The following CFAP44 variants were observed in gnomAD, a reference collection of about 807,000 sequenced individuals.
CFAP44 encodes cilia- and flagella-associated protein 44.
In CFAP44, 134 loss-of-function variants were observed where a neutral mutation model predicts 216.2. That is an observed-to-expected ratio of 0.62 (90% CI 0.54 to 0.72). The LOEUF (loss-of-function observed/expected upper bound fraction) is 0.72. CFAP44 is among the 30% of genes least tolerant of loss of function. The probability of loss-of-function intolerance (pLI) is 0.00; values close to 1 mark genes in which losing one functional copy is unlikely to be tolerated. For missense variants in CFAP44, 2,035 were observed against 2,182.1 expected (o/e 0.93, Z 1.34); for synonymous variants, 700 against 727.6 (o/e 0.96, Z 0.61).
intron 6 of CFAP44, among the ~76,000 whole-genome samples, chr3:113,413,643 T>C (rs1934555127): frequency 6.6e-6 from 1 of 152,240 alleles, no homozygotes; most frequent in African/African-American, 2.4e-5. Flanking sequence ...TCCCCGTTGC[T>C]TGTTTTTGTC....
At chr3:113,302,918 A>T (rs1017738588) in intron 32 of CFAP44, among the ~76,000 whole-genome samples, 1 of 152,196 alleles carries the variant, frequency 6.6e-6, no homozygotes, top group Non-Finnish European at 1.5e-5. Flanking sequence ...TCAAAAATGG[A>T]CAAAGGATAG....
chr3:113,312,619 A>G (rs758095464), intron 28 of CFAP44, among the ~76,000 whole-genome samples: 2 of 152,158 alleles, frequency 1.3e-5, no homozygotes, highest in Non-Finnish European at 2.9e-5. Flanking sequence ...AGCCCCTCCC[A>G]TCACAGGCCT....
chr3:113,375,167 G>T (rs181038602), intron 17 of CFAP44, among the ~76,000 whole-genome samples: 1 of 152,116 alleles, frequency 6.6e-6, no homozygotes, highest in Admixed American at 6.5e-5. Flanking sequence ...GGTTGCCAGG[G>T]GCTGAGAGAA....
chr3:113,356,787 T>TA (rs1172446976), intron 22 of CFAP44, among the ~76,000 whole-genome samples: 1 of 152,002 alleles, frequency 6.6e-6, no homozygotes, highest in African/African-American at 2.4e-5. Context: ...CATTAATCTT[T>TA]AAAAAAAGAC....
intron 15 of CFAP44, among the ~76,000 whole-genome samples, chr3:113,395,441 C>T (rs533425868): frequency 6.6e-6 from 1 of 152,280 alleles, no homozygotes; most frequent in South Asian, 2.1e-4. Context: ...TTTCGACATG[C>T]TGTGCCTGTG....
chr3:113,382,860 A>G (rs1239248675), intron 15 of CFAP44, among the ~76,000 whole-genome samples: 1 of 152,178 alleles, frequency 6.6e-6, no homozygotes, highest in Admixed American at 6.5e-5. Flanking sequence ...CTGAGAGTGA[A>G]TTGGGAGCAA....
chr3:113,387,142 G>A (rs951834298), intron 15 of CFAP44, among the ~76,000 whole-genome samples: 4 of 152,190 alleles, frequency 2.6e-5, no homozygotes, highest in Non-Finnish European at 5.9e-5. Context: ...GACAAGTCCT[G>A]GTGCTGTACT....
intron 29 of CFAP44, among the ~76,000 whole-genome samples, chr3:113,307,928 C>T (rs1187242037): frequency 3.3e-5 from 5 of 151,790 alleles, no homozygotes; most frequent in South Asian, 2.1e-4. Flanking sequence ...TGCAGTGAGC[C>T]GAGATCGTAC....
At chr3:113,404,781 C>G (rs1229195424) in intron 8 of CFAP44, among the ~76,000 whole-genome samples, 1 of 152,104 alleles carries the variant, frequency 6.6e-6, no homozygotes, top group African/African-American at 2.4e-5. Context: ...TTATTATCCC[C>G]ATTTTACAGA....
chr3:113,347,851 T>C (rs1242269029), intron 22 of CFAP44, among the ~76,000 whole-genome samples: 1 of 152,142 alleles, frequency 6.6e-6, no homozygotes, highest in Non-Finnish European at 1.5e-5. Context: ...AAAGTCCCGA[T>C]ACTAACAGGA....
chr3:113,364,912 T>C (rs1380949626), intron 19 of CFAP44, among the ~76,000 whole-genome samples: 1 of 151,896 alleles, frequency 6.6e-6, no homozygotes. Flanking sequence ...TTAGTTGTTT[T>C]CTGTTGTTTT....
rs1559938434 is a variant in CFAP44 at position 113,406,915 on chromosome 3, A to G, written c.1005+12T>C. The G allele has an allele frequency of 6.3e-7, 1 of 1,585,752 alleles. No homozygotes were observed. The highest frequency in any genetic ancestry group is 2.2e-5 in the East Asian group (1 of 44,718). The stretch of plus-strand genomic sequence containing the variant: ...CACAATTTTAATATTGTAGAATAGT[A>G]GCTGTACTCACCTTCCCATCTGGGA... On this transcript the variant is annotated intron_variant, in intron 8 of 34. Coordinates refer to ENST00000393845, the MANE Select transcript of CFAP44 (RefSeq NM_001164496.2).
intron 28 of CFAP44, among the ~76,000 whole-genome samples, chr3:113,311,893 T>C (rs946176198): frequency 6.6e-6 from 1 of 152,134 alleles, no homozygotes; most frequent in Non-Finnish European, 1.5e-5. Flanking sequence ...AGACTTTTGT[T>C]AGTTTTAGCA....
chr3:113,330,682 G>C lies in CFAP44; in HGVS notation c.3616-14C>G. ...ATTTCCATGGACCTGAAAAAAAGAA[G>C]AGGAAGGAAACAACAGTACAACCCT... is the stretch of plus-strand genomic sequence containing the variant. On this transcript the variant is annotated splice_polypyrimidine_tract_variant and intron_variant, in intron 25 of 34. Coordinates refer to ENST00000393845, the MANE Select transcript of CFAP44 (RefSeq NM_001164496.2). 6.6e-7 allele frequency: 1 copy of C among 1,523,096 alleles called. No individual in the cohort carries two copies. The highest frequency in any genetic ancestry group is 1.4e-5 in the African/African-American group (1 of 72,328). The allele number at this position is 1,523,096 out of a possible 1,614,324, so 94.3% of individuals were successfully genotyped here. A position where few individuals can be genotyped will look rare whatever the true frequency, so the allele number is the denominator to read the frequency against.
Position 113,406,934 on chromosome 3 carries a change from T to C in CFAP44, c.998A>G (p.Asp333Gly). Residue 333 changes from aspartate (D) to glycine (G), a missense_variant, in exon 8 of 35, where the codon GAT becomes GGT. Around this residue, in one of 3 missense-constraint regions of CFAP44, gnomAD observed 1,883 missense variants for 2,023.7 expected, o/e 0.93. Coordinates refer to ENST00000393845, the MANE Select transcript of CFAP44 (RefSeq NM_001164496.2). Reference sequence around the variant, plus strand: ...AATAGTAGCTGTACTCACCTTCCCATCTGGGAGCTCCATGTAGCCTTCTAT... The same window carrying C: ...AATAGTAGCTGTACTCACCTTCCCACCTGGGAGCTCCATGTAGCCTTCTAT... ...TDIEGYMELP[D>G]GKVLSGSEWG... The C allele has an allele frequency of 3.1e-6, 5 of 1,612,614 alleles. No homozygotes were observed. The Admixed American group carries it at 6.7e-5, about 21-fold the overall frequency.
chr3:113,338,155 G>A (rs1465880533), intron 24 of CFAP44, among the ~76,000 whole-genome samples: 1 of 150,426 alleles, frequency 6.6e-6, no homozygotes, highest in Non-Finnish European at 1.5e-5. Flanking sequence ...TACTTGGGAG[G>A]CTGAGGTGGG....
At chr3:113,300,062 C>G (rs917685259) in intron 32 of CFAP44, among the ~76,000 whole-genome samples, 53 of 152,118 alleles carry the variant, frequency 3.5e-4, no homozygotes, top group Admixed American at 3.4e-3. Context: ...TTTGCAAGAA[C>G]ATGTATGGAT....
chr3:113,364,074 A>G (rs1265963887), intron 19 of CFAP44, among the ~76,000 whole-genome samples: 1 of 152,148 alleles, frequency 6.6e-6, no homozygotes, highest in Non-Finnish European at 1.5e-5. Context: ...AAGATATGAA[A>G]TCAGAAATAC....
chr3:113,368,196 C>T (rs1283045778), intron 18 of CFAP44, among the ~76,000 whole-genome samples: 2 of 152,156 alleles, frequency 1.3e-5, no homozygotes, highest in African/African-American at 2.4e-5. Flanking sequence ...ACTTCCCCAA[C>T]CTAGCAAGGC....
Sources: allele counts gnomAD v4.1 joint callset (sites outside exome capture counted in the v4.1 genomes callset), GRCh38; gene constraint gnomAD v4.1.1; regional missense constraint gnomAD v4.1.1; transcripts MANE v1.5; gene names NCBI Gene and HGNC (gene_info 2026-07-23, HGNC 2026-07-21).